OTOG: variants seen among roughly 807,000 people sequenced by gnomAD.
The protein encoded by OTOG is otogelin.
A neutral mutation model predicts 313.8 loss-of-function variants in OTOG; 296 were observed. The observed-to-expected ratio is 0.94, with a 90% CI of 0.86 to 1.04. The LOEUF (loss-of-function observed/expected upper bound fraction) is 1.04. Among genes scored for constraint, OTOG ranks in the 50% least tolerant of loss-of-function variants. The pLI is 0.00. For synonymous variants in OTOG, 1,533 were observed against 1,554.9 expected, an observed-to-expected ratio of 0.99 and a Z score of 0.33; for missense variants, 3,948 against 3,840.1, an observed-to-expected ratio of 1.03 and a Z score of -0.74.
At chr11:17,578,322 G>A (rs1590016212) in intron 22 of OTOG, 51 bp from the exon 23 acceptor site, 1 of 1,422,992 alleles carries the variant, frequency 7.0e-7, no homozygotes, top group Non-Finnish European at 9.2e-7. Context: ...TGTAGCCCAG[G>A]AGCCCATACT....
At position 17,593,264 on chromosome 11, in the gene OTOG, G is replaced by A. The variant is rs1244694943; in HGVS notation, c.3078G>A (p.Arg1026=). 5.8e-6 allele frequency: 9 copies of A among 1,550,302 alleles called. No individual in the cohort carries two copies. Among genetic ancestry groups the A allele is most frequent in the Non-Finnish European group, 6.1e-6 (7 of 1,146,836 alleles). ...VNCYSSGMIC[R]KFISINVGNS... The stretch of plus-strand genomic sequence containing the variant: ...GCTACAGCTCTGGCATGATCTGCAG[G>A]AAATTTATTTCCATCAACGTTGGGA... Residue 1026 remains arginine (R), a synonymous_variant, in exon 26 of 56, where the codon AGG becomes AGA. Coordinates refer to ENST00000399397, the MANE Select transcript of OTOG (RefSeq NM_001292063.2).
intron 32 of OTOG, among the ~76,000 whole-genome samples, chr11:17,605,412 G>A (rs1448041116): frequency 6.6e-6 from 1 of 152,180 alleles, no homozygotes; most frequent in Non-Finnish European, 1.5e-5. Flanking sequence ...CCTATAGCTT[G>A]GCAAATCACC....
chr11:17,623,474 A>C (rs548406266), intron 39 of OTOG, among the ~76,000 whole-genome samples: 9 of 152,268 alleles, frequency 5.9e-5, no homozygotes, highest in Non-Finnish European at 1.3e-4. Flanking sequence ...AGAGGACATG[A>C]TCTCATTCTT....
At chr11:17,604,840 C>G (rs1475798674) in intron 32 of OTOG, among the ~76,000 whole-genome samples, 2 of 152,246 alleles carry the variant, frequency 1.3e-5, no homozygotes. Flanking sequence ...TAGCACAGTG[C>G]CTGGCACGTA....
At chr11:17,578,654 C>T in intron 23 of OTOG, 128 bp downstream of exon 23, 1 of 1,218,332 alleles carries the variant, frequency 8.2e-7, no homozygotes, top group Non-Finnish European at 1.1e-6. Flanking sequence ...GCTGGCCAGC[C>T]ACAGCTGTAA....
chr11:17,616,025 T>C (rs925104390), intron 39 of OTOG, among the ~76,000 whole-genome samples: 2 of 152,234 alleles, frequency 1.3e-5, no homozygotes, highest in East Asian at 3.8e-4. Flanking sequence ...TTACCATTAC[T>C]TATTATTAAA....
At chr11:17,633,994 C>A in intron 43 of OTOG, 75 bp from the exon 44 acceptor site, 1 of 1,493,078 alleles carries the variant, frequency 6.7e-7, no homozygotes, top group Non-Finnish European at 8.9e-7. Flanking sequence ...GGCCAGTAAA[C>A]CAGGGAGAGT....
At position 17,553,227 on chromosome 11, in the gene OTOG, AC is replaced by A. The variant is rs1851982091; in HGVS notation, c.385+20del. 6.5e-7 allele frequency: 1 copy of A among 1,549,662 alleles called. No individual in the cohort carries two copies. ...TGCCAGATGGGTGGGTCTGGGCTCC[AC>A]CCCACCCCCAGGAAGGGACCTGGGT... On this transcript the variant is annotated intron_variant, in intron 5 of 55. Transcript: ENST00000399397.
intron 23 of OTOG, among the ~76,000 whole-genome samples, chr11:17,580,616 G>A (rs1852644146): frequency 6.6e-6 from 1 of 152,200 alleles, no homozygotes; most frequent in South Asian, 2.1e-4. Flanking sequence ...ATGGATGGTG[G>A]GCAACAGAGA....
intron 39 of OTOG, among the ~76,000 whole-genome samples, chr11:17,623,388 A>G (rs1316257854): frequency 1.3e-5 from 2 of 152,220 alleles, no homozygotes; most frequent in East Asian, 3.8e-4. Flanking sequence ...ATCAGTGAGA[A>G]CATGCAGTAT....
chr11:17,636,024 T>C (rs1310538933), intron 47 of OTOG, among the ~76,000 whole-genome samples: 1 of 152,198 alleles, frequency 6.6e-6, no homozygotes, highest in African/African-American at 2.4e-5. Context: ...AAGTCCTCAT[T>C]CCCTGACTGA....
chr11:17,629,345 G>T (rs528539257), intron 40 of OTOG, 29 bp downstream of exon 40: 1 of 1,531,968 alleles, frequency 6.5e-7, no homozygotes, highest in African/African-American at 1.4e-5. Context: ...TGCGGGGAGG[G>T]GATGCTTCCC....
chr11:17,593,379 G>C, intron 26 of OTOG, 52 bp downstream of exon 26: 1 of 1,543,028 alleles, frequency 6.5e-7, no homozygotes, highest in Non-Finnish European at 8.8e-7. Flanking sequence ...GGTTACCAGG[G>C]TTGGGGCAGA....
intron 34 of OTOG, among the ~76,000 whole-genome samples, 163 bp from the exon 35 acceptor site, chr11:17,608,967 T>C (rs1565115647): frequency 6.6e-6 from 1 of 152,206 alleles, no homozygotes; most frequent in South Asian, 2.1e-4. Context: ...TGTACATGTG[T>C]GACAGCATCT....
At position 17,608,385 on chromosome 11, in the gene OTOG, C is replaced by T. The variant is rs559512010; in HGVS notation, c.4246C>T (p.Arg1416Trp). The T allele has an allele frequency of 9.5e-5, 147 of 1,545,604 alleles. No homozygotes were observed. In the African/African-American group the frequency reaches 1.4e-3, roughly 15 times the overall value. ...SPCFQTCRDPRAASCRDVPRV... is the reference protein window; with the variant it reads ...SPCFQTCRDPWAASCRDVPRV... ...CTGCTTCCAAACCTGCCGGGACCCA[C>T]GGGCAGCCAGCTGCCGGGACGTACC... Residue 1416 changes from arginine (R) to tryptophan (W), a missense_variant, in exon 34 of 56, where the codon CGG becomes TGG. Transcript: ENST00000399397.
intron 23 of OTOG, among the ~76,000 whole-genome samples, chr11:17,580,328 C>A (rs1590017609): frequency 6.6e-6 from 1 of 152,364 alleles, no homozygotes; most frequent in African/African-American, 2.4e-5. Context: ...CCCTGAACCT[C>A]AGCTCCTTCA....
chr11:17,559,724 G>A (rs1052876386), intron 12 of OTOG, 62 bp downstream of exon 12: 69 of 1,333,760 alleles, frequency 5.2e-5, no homozygotes, highest in African/African-American at 8.9e-5. Context: ...AGATGGCCAC[G>A]AAACAGGAGT....
chr11:17,621,752 T>C (rs1403098876), intron 39 of OTOG, among the ~76,000 whole-genome samples: 2 of 152,202 alleles, frequency 1.3e-5, no homozygotes, highest in East Asian at 3.8e-4. Context: ...AGTAATAACC[T>C]TGGACAATCA....
Position 17,641,108 on chromosome 11 carries a change from G to A in OTOG, c.8190+17G>A. The stretch of plus-strand genomic sequence containing the variant: ...TGTGAGGCGGTAGGGTGCAGCCCAG[G>A]GCGGGGTGGGTGGGGTTGGGAGGGC... On this transcript the variant is annotated intron_variant, in intron 51 of 55. Coordinates refer to ENST00000399397, the MANE Select transcript of OTOG (RefSeq NM_001292063.2). 6.6e-7 allele frequency: 1 copy of A among 1,524,674 alleles called. No individual in the cohort carries two copies. Among genetic ancestry groups the A allele is most frequent in the Non-Finnish European group, 8.8e-7 (1 of 1,135,956 alleles). The allele number at this position is 1,524,674 out of a possible 1,614,324, so 94.4% of individuals were successfully genotyped here.
Sources: gnomAD v4.1 joint callset for allele counts (sites outside exome capture counted in the v4.1 genomes callset) on GRCh38, gnomAD v4.1.1 for gene constraint, MANE v1.5 for transcripts, NCBI Gene and HGNC (gene_info 2026-07-23, HGNC 2026-07-21) for gene names.